The following MYH13 variants were observed in gnomAD, a reference collection of about 807,000 sequenced individuals.
MYH13 encodes myosin heavy chain 13.
Under a neutral mutation model 232.1 loss-of-function variants are expected in MYH13, and 177 were observed. The observed-to-expected ratio is 0.76, with a 90% confidence interval of 0.67 to 0.86. MYH13 has a LOEUF of 0.86. MYH13 is among the 40% of genes least tolerant of loss of function. The probability of loss-of-function intolerance (pLI) is 0.00; values close to 1 mark genes in which losing one functional copy is unlikely to be tolerated. For missense variants in MYH13, 2,246 were observed against 2,405.9 expected, an observed-to-expected ratio of 0.93 and a Z score of 1.39; for synonymous variants, 884 against 923.5, an observed-to-expected ratio of 0.96 and a Z score of 0.78.
At chr17:10,308,485 A>G (rs1906373151) in intron 35 of MYH13, among the ~76,000 whole-genome samples, 1 of 123,726 alleles carries the variant, frequency 8.1e-6, no homozygotes, top group Non-Finnish European at 1.6e-5. Flanking sequence ...AGGTTTTGCC[A>G]TATTGCCCAC....
In MYH13 at chr17:10,316,959, G is replaced by A. The variant is rs77353605; in HGVS notation, c.3739-934C>T. On this transcript the variant is annotated intron_variant, in intron 27 of 40. Transcript: ENST00000252172. ...CTGGAGGAGCTTAGGATCTCTTTGA[G>A]AAGATGACACGCAAACATGAAGGAA... is the stretch of plus-strand genomic sequence containing the variant. Among the ~76,000 whole-genome samples the A allele has an allele frequency of 1.2e-3, 176 of 152,342 alleles. 2 individuals are homozygous for A. In the East Asian group the frequency reaches 0.026, roughly 23 times the overall value.
chr17:10,313,967 CA>C (rs1487287092), intron 29 of MYH13, among the ~76,000 whole-genome samples: 1 of 152,162 alleles, frequency 6.6e-6, no homozygotes, highest in Non-Finnish European at 1.5e-5. Flanking sequence ...GCAGAGAAGA[CA>C]TGCCTAGAGG....
chr17:10,365,592 G>A (rs1467662867), intron 2 of MYH13, among the ~76,000 whole-genome samples: 1 of 152,152 alleles, frequency 6.6e-6, no homozygotes, highest in Non-Finnish European at 1.5e-5. Context: ...TGTTCCCAGG[G>A]TGGTCCTTGA....
Position 10,362,464 on chromosome 17 carries a change from G to A in MYH13, c.244C>T (p.Pro82Ser), listed in dbSNP as rs1460988063. 6.2e-7 allele frequency: 1 copy of A among 1,614,014 alleles called. No homozygotes were observed. Among genetic ancestry groups the A allele is most frequent in the Non-Finnish European group, 8.5e-7 (1 of 1,180,030 alleles). ...TCCTCGATCTTGTCAAATTTGGGAG[G>A]GTTCATGGGGAAGACCTGGTCATTG... ...LNNDQVFPMN[P>S]PKFDKIEDMA... Residue 82 changes from proline to serine, a missense_variant, in exon 4 of 41, where the codon CCT (proline) becomes TCT (serine). Physicochemically the swap from Pro to Ser is moderately conservative, Grantham distance 74 (BLOSUM62 -1). Transcript: ENST00000252172.
In MYH13 at chr17:10,312,761, C is replaced by T. The variant is rs556271241; in HGVS notation, c.4182-4G>A. ...GAGCCTCTGGGCCAGTTTTTTCCTA[C>T]GAAAACCAGATTTTTTTTTTCCCCT... is the stretch of plus-strand genomic sequence containing the variant. On this transcript the variant is annotated splice_region_variant and splice_polypyrimidine_tract_variant and intron_variant, in intron 30 of 40. Transcript: ENST00000252172. The T allele has an allele frequency of 4.5e-5, 72 of 1,600,634 alleles. 2 individuals carry two copies. In the South Asian group the frequency reaches 5.1e-4, roughly 11 times the overall value.
At chr17:10,367,322 C>A (rs1179871678) in intron 2 of MYH13, among the ~76,000 whole-genome samples, 1 of 152,118 alleles carries the variant, frequency 6.6e-6, no homozygotes, top group Non-Finnish European at 1.5e-5. Context: ...AAATTACTGT[C>A]AAATTCATTA....
chr17:10,355,023 G>T (rs1316275993), intron 9 of MYH13, 30 bp from the exon 10 acceptor site: 2 of 1,609,454 alleles, frequency 1.2e-6, no homozygotes. Context: ...GTGATTTCAG[G>T]CTCCCAAGAG....
intron 8 of MYH13, 110 bp from the exon 9 acceptor site, chr17:10,355,257 G>C: frequency 1.7e-6 from 2 of 1,168,102 alleles, no homozygotes; most frequent in Middle Eastern, 2.0e-4. Flanking sequence ...AAATGCTAGA[G>C]AACAGAACTG....
In MYH13 at chr17:10,300,873, T is replaced by A; in HGVS notation, c.*78A>T. ...CACAGCAGAGCCGGGAATCCGAGTATTTAGGAGAATTTATTTCTCACACAT... is the reference window on the plus strand; with the variant it reads ...CACAGCAGAGCCGGGAATCCGAGTAATTAGGAGAATTTATTTCTCACACAT... On this transcript the variant is annotated 3_prime_UTR_variant, in exon 41 of 41. Transcript: ENST00000252172. 1 of 1,419,698 alleles carries A rather than the reference T, an allele frequency of 7.0e-7. No homozygotes were observed. Among genetic ancestry groups the A allele is most frequent in the Non-Finnish European group, 9.9e-7 (1 of 1,012,224 alleles). 87.9% of individuals were successfully genotyped at this position (1,419,698 alleles called of 1,614,324 possible).
Position 10,364,479 on chromosome 17 carries a change from G to A in MYH13, c.52C>T (p.Arg18Trp), listed in dbSNP as rs369838383. ...AIFGEAAPYL[R>W]KPEKERIEAQ... ...TCGATTCTCTCCTTCTCTGGTTTCC[G>A]GAGGTAGGGAGCTGCTTCTCCAAAA... Residue 18 changes from arginine to tryptophan, a missense_variant, in exon 3 of 41, where the codon CGG (arginine) becomes TGG (tryptophan). Transcript: ENST00000252172. 56 of 1,610,418 alleles carry A rather than the reference G, an allele frequency of 3.5e-5. No homozygotes were observed. The highest frequency in any genetic ancestry group is 4.5e-5 in the Non-Finnish European group (53 of 1,178,336).
chr17:10,360,317 T>G, intron 5 of MYH13, 129 bp from the exon 6 acceptor site: 1 of 1,097,446 alleles, frequency 9.1e-7, no homozygotes, highest in Non-Finnish European at 1.3e-6. Flanking sequence ...ACTGGTATGA[T>G]TTGGGCATGT....
At position 10,309,708 on chromosome 17, in the gene MYH13, GT is replaced by G; in HGVS notation, c.4778del (p.Asn1593ThrfsTer24). 1 of 1,606,266 alleles carries G rather than the reference GT, an allele frequency of 6.2e-7. No homozygotes were observed. Among genetic ancestry groups the G allele is most frequent in the African/African-American group, 1.3e-5 (1 of 74,972 alleles). Reference sequence around the variant, plus strand: ...GCAGGGCCTCTGCTGCCCGCTGGCTGTTTCTTTTTAGCTGCTCGATTTCTTC... The same window carrying G: ...GCAGGGCCTCTGCTGCCCGCTGGCTGTTCTTTTTAGCTGCTCGATTTCTTC... ...KDEEIEQLKR[N>X]SQRAAEALQS... On this transcript the variant is annotated frameshift_variant, in exon 34 of 41. Transcript: ENST00000252172. LOFTEE classifies it high-confidence loss of function.
In MYH13 at chr17:10,354,765, G is replaced by T; in HGVS notation, c.920C>A (p.Thr307Asn). Residue 307 changes from threonine (T) to asparagine (N), a missense_variant, in exon 11 of 41, where the codon ACC (threonine) becomes AAC (asparagine). Physicochemically the swap from Thr to Asn is moderately conservative, Grantham distance 65. Transcript: ENST00000252172. ...PELIDLLLIS[T>N]NPFDFPFVSQ... is the part of the protein sequence containing the mutation. ...CACGAAGGGGAAGTCGAAGGGGTTG[G>T]TGGAGATCAGAAGCAGGTCTGTGAA... 6.2e-7 allele frequency: 1 copy of T among 1,613,958 alleles called. No individual in the cohort carries two copies. The highest frequency in any genetic ancestry group is 8.5e-7 in the Non-Finnish European group (1 of 1,179,864).
rs371676065 is a variant in MYH13 at position 10,309,836 on chromosome 17, G to T, written c.4657-6C>A. The T allele has an allele frequency of 3.2e-6, 5 of 1,553,984 alleles. No individual in the cohort carries two copies. The South Asian group carries it at 6.1e-5, about 19-fold the overall frequency. On this transcript the variant is annotated splice_polypyrimidine_tract_variant and splice_region_variant and intron_variant, in intron 33 of 40. Coordinates refer to ENST00000252172, the MANE Select transcript of MYH13 (RefSeq NM_003802.3). ...TCCTCGTGTTCCAAGGAACCCTGAC[G>T]AAAGCAAAGGAGTGATTGAGAGTGC...
rs1488188341 is a variant in MYH13 at position 10,321,856 on chromosome 17, A to G, written c.2935-148T>C. ...TACCTCCTAGAATTGACAGACTCTC[A>G]GTTCTTTATCTTCCTTAACGGTCTA... On this transcript the variant is annotated intron_variant, in intron 23 of 40. Coordinates refer to ENST00000252172, the MANE Select transcript of MYH13 (RefSeq NM_003802.3). 4.4e-6 allele frequency: 3 copies of G among 674,172 alleles called. No homozygotes were observed. The African/African-American group carries it at 5.5e-5, about 12-fold the overall frequency. The allele number at this position is 674,172 out of a possible 1,614,324, so 41.8% of individuals were successfully genotyped here.
At position 10,313,346 on chromosome 17, in the gene MYH13, G is replaced by A. The variant is rs779269658; in HGVS notation, c.3993C>T (p.Asn1331=). Residue 1331 remains asparagine, a synonymous_variant, in exon 30 of 41, where the codon AAC becomes AAT. Coordinates refer to ENST00000252172, the MANE Select transcript of MYH13 (RefSeq NM_003802.3). ...RQMEEETKAK[N]AMAHALQSSR... ...AGGACTGCAGGGCGTGCGCCATGGC[G>A]TTCTTGGCCTGGGAATGACAGCGGT... 25 of 1,614,246 alleles carry A rather than the reference G, an allele frequency of 1.5e-5. No individual in the cohort carries two copies. The highest frequency in any genetic ancestry group is 1.7e-5 in the Admixed American group (1 of 60,032).
Position 10,343,811 on chromosome 17 carries a change from C to T in MYH13, c.1883G>A (p.Gly628Asp), listed in dbSNP as rs767976456. ...LLSFLFSNYA[G>D]AETGDSGGSK... Reference sequence around the variant, plus strand: ...TGATAGAATTTTACCTGTCTCTGCACCAGCATAGTTGGAAAAAAGGAAGGA... The same window carrying T: ...TGATAGAATTTTACCTGTCTCTGCATCAGCATAGTTGGAAAAAAGGAAGGA... Residue 628 changes from glycine (G) to aspartate (D), a missense_variant, in exon 16 of 41, where the codon GGT (glycine) becomes GAT (aspartate). Gly to Asp is a moderately conservative substitution (Grantham distance 94). Transcript: ENST00000252172. The T allele has an allele frequency of 6.2e-7, 1 of 1,601,260 alleles. No homozygotes were observed.
intron 22 of MYH13, chr17:10,325,005 G>T (rs1188480906): frequency 6.6e-6 from 1 of 151,300 alleles, no homozygotes; most frequent in Non-Finnish European, 1.5e-5. Flanking sequence ...TTTGGTGTGT[G>T]TACAGATGGG....
chr17:10,326,968 A>G (rs1417326631), intron 22 of MYH13, among the ~76,000 whole-genome samples: 2 of 103,764 alleles, frequency 1.9e-5, no homozygotes, highest in Non-Finnish European at 3.7e-5. Context: ...GACATGCACC[A>G]CCATGCCTAC....
Sources: gnomAD v4.1 joint callset for allele counts (sites outside exome capture counted in the v4.1 genomes callset) on GRCh38, gnomAD v4.1.1 for gene constraint, MANE v1.5 for transcripts, NCBI Gene and HGNC (gene_info 2026-07-23, HGNC 2026-07-21) for gene names.